The following AUTS2 variants were observed in gnomAD, a reference collection of about 807,000 sequenced individuals.
The protein encoded by AUTS2 is autism susceptibility gene 2 protein.
Under a neutral mutation model 112.4 loss-of-function variants are expected in AUTS2, and 17 were observed. The observed-to-expected ratio is 0.15, with a 90% CI of 0.10 to 0.23. AUTS2 has a LOEUF of 0.23. Ranked by LOEUF, AUTS2 falls within the 10% of genes least tolerant of loss-of-function variation. The probability of loss-of-function intolerance (pLI) is 1.00; values close to 1 mark genes in which losing one functional copy is unlikely to be tolerated. For synonymous variants in AUTS2, 751 were observed against 702.7 expected (o/e 1.07, Z -1.09); for missense variants, 1,510 against 1,701.6 (o/e 0.89, Z 1.98).
chr7:70,191,044 G>A (rs1809851997), intron 4 of AUTS2, among the ~76,000 whole-genome samples: 1 of 151,262 alleles, frequency 6.6e-6, no homozygotes, highest in Non-Finnish European at 1.5e-5. Context: ...CATTCCTCAA[G>A]CATTTGATTT....
intron 1 of AUTS2, among the ~76,000 whole-genome samples, chr7:69,751,591 C>T (rs1329665321): frequency 6.6e-6 from 1 of 152,178 alleles, no homozygotes; most frequent in Non-Finnish European, 1.5e-5. Flanking sequence ...ACCTGAACTT[C>T]AGGCCTTTAT....
At chr7:70,426,764 T>C (rs926782445) in intron 4 of AUTS2, among the ~76,000 whole-genome samples, 2 of 152,180 alleles carry the variant, frequency 1.3e-5, no homozygotes, top group African/African-American at 4.8e-5. Flanking sequence ...CAAGTCATTT[T>C]AGCTAGCTCA....
At chr7:69,837,947 T>C (rs1791798675) in intron 1 of AUTS2, among the ~76,000 whole-genome samples, 1 of 152,198 alleles carries the variant, frequency 6.6e-6, no homozygotes, top group Admixed American at 6.5e-5. Context: ...TGCCTGCAGC[T>C]AAGGCTCTGG....
At chr7:69,722,151 CAAA>C (rs751608208) in intron 1 of AUTS2, among the ~76,000 whole-genome samples, 4 of 91,168 alleles carry the variant, frequency 4.4e-5, no homozygotes, top group Non-Finnish European at 4.9e-5. Context: ...CAATGAAGGG[CAAA>C]AAAAAAAAAA....
chr7:69,704,503 C>T (rs1184864190), intron 1 of AUTS2, among the ~76,000 whole-genome samples: 1 of 152,122 alleles, frequency 6.6e-6, no homozygotes, highest in African/African-American at 2.4e-5. Flanking sequence ...TGGTCTTGAT[C>T]TTCTGACCTC....
At chr7:69,971,422 G>T (rs191318073) in intron 2 of AUTS2, among the ~76,000 whole-genome samples, 2 of 152,282 alleles carry the variant, frequency 1.3e-5, no homozygotes, top group East Asian at 3.9e-4. Context: ...AGTACAATAT[G>T]CAGTTTTAAG....
At chr7:70,506,694 C>T (rs896040630) in intron 5 of AUTS2, among the ~76,000 whole-genome samples, 19 of 152,242 alleles carry the variant, frequency 1.2e-4, no homozygotes, top group Admixed American at 5.9e-4. Context: ...AGCAGTCCCA[C>T]GCTGCTCTCC....
rs761126035 is a variant in AUTS2 at position 70,790,539 on chromosome 7, G to A, written c.3323G>A (p.Arg1108Gln). 17 of 1,607,002 alleles carry A rather than the reference G, an allele frequency of 1.1e-5. No individual in the cohort carries two copies. The highest frequency in any genetic ancestry group is 1.3e-5 in the African/African-American group (1 of 74,756). The change falls in exon 19 of 19, where the codon CGG becomes CAG. Residue 1108 changes from arginine (R) to glutamine (Q), a missense_variant. Around this residue, in one of 3 missense-constraint regions of AUTS2, gnomAD observed 788 missense variants for 797.6 expected, o/e 0.99. Transcript: ENST00000342771. The surrounding 1 kb of genome is among the most constrained non-coding windows in gnomAD (Gnocchi z 7.6). ...CCGCTCCACCGGCTCTCGACTCCCC[G>A]GCTGTACGAAGCCGACCGCTCCTTC... Reference protein sequence around the residue: ...NDPLHRLSTPRLYEADRSFRD... With the variant: ...NDPLHRLSTPQLYEADRSFRD...
At chr7:70,626,467 A>G (rs982551845) in intron 5 of AUTS2, among the ~76,000 whole-genome samples, 1 of 151,032 alleles carries the variant, frequency 6.6e-6, no homozygotes, top group Admixed American at 6.6e-5. Flanking sequence ...CTCTAGGGCT[A>G]GGTACCAGAC....
At chr7:70,765,115 TC>T (rs1789853183) in intron 8 of AUTS2, 110 bp downstream of exon 8, 2 of 1,430,266 alleles carry the variant, frequency 1.4e-6, no homozygotes, top group Admixed American at 4.5e-5. Context: ...TACAATTTTT[TC>T]CTTCCTTACT....
At chr7:70,043,466 T>C (rs546387073) in intron 2 of AUTS2, among the ~76,000 whole-genome samples, 2 of 152,258 alleles carry the variant, frequency 1.3e-5, no homozygotes, top group East Asian at 3.9e-4. Flanking sequence ...CTCCTTCATT[T>C]TCTGAATGCA....
chr7:70,572,928 C>G (rs1802009758), intron 5 of AUTS2, among the ~76,000 whole-genome samples: 1 of 152,174 alleles, frequency 6.6e-6, no homozygotes, highest in African/African-American at 2.4e-5. Flanking sequence ...TCTGGGACGG[C>G]TAGCTTCAGA....
At chr7:70,575,418 C>T (rs926757316) in intron 5 of AUTS2, among the ~76,000 whole-genome samples, 37 of 151,986 alleles carry the variant, frequency 2.4e-4, no homozygotes, top group African/African-American at 8.9e-4. Flanking sequence ...CCCACCTCCA[C>T]CCCCACCCTC....
intron 1 of AUTS2, among the ~76,000 whole-genome samples, chr7:69,659,583 GTTTT>G (rs58289887): frequency 8.7e-4 from 71 of 81,276 alleles, no homozygotes; most frequent in South Asian, 2.6e-3. Context: ...AGGCTTAGTT[GTTTT>G]TTTTTTTTTT....
At chr7:70,561,832 A>G (rs1801500186) in intron 5 of AUTS2, among the ~76,000 whole-genome samples, 1 of 152,022 alleles carries the variant, frequency 6.6e-6, no homozygotes, top group African/African-American at 2.4e-5. Flanking sequence ...AGCCAGAACT[A>G]GGTCACGTGT....
intron 4 of AUTS2, among the ~76,000 whole-genome samples, chr7:70,207,967 C>T (rs6943630): frequency 0.2 from 29,127 of 144,442 alleles, 2,932 homozygotes; most frequent in Middle Eastern, 0.3. Context: ...GTCGAGATTG[C>T]GCCATTGCAC....
chr7:70,517,558 ATATACACATATATACAAATTG>A (rs1799466765), intron 5 of AUTS2, among the ~76,000 whole-genome samples: 1 of 148,678 alleles, frequency 6.7e-6, no homozygotes, highest in African/African-American at 2.5e-5. Context: ...TACAAATTGC[ATATACACATATATACAAATTG>A]CATATATAAT....
At chr7:70,197,372 C>T (rs887620929) in intron 4 of AUTS2, among the ~76,000 whole-genome samples, 5 of 151,780 alleles carry the variant, frequency 3.3e-5, no homozygotes, top group African/African-American at 9.7e-5. Flanking sequence ...CTCCGGTCTA[C>T]AGCTCCCAGC....
chr7:70,618,038 G>A (rs1366134715), intron 5 of AUTS2, among the ~76,000 whole-genome samples: 1 of 152,170 alleles, frequency 6.6e-6, no homozygotes, highest in Non-Finnish European at 1.5e-5. Context: ...CTCCACCTAA[G>A]TTTTATGAGG....
Sources: allele counts gnomAD v4.1 joint callset (sites outside exome capture counted in the v4.1 genomes callset), GRCh38; gene constraint gnomAD v4.1.1; regional missense constraint gnomAD v4.1.1; non-coding constraint Gnocchi (gnomAD v3.1); transcripts MANE v1.5; gene names NCBI Gene and HGNC (gene_info 2026-07-23, HGNC 2026-07-21).